Variants in PBX1 observed in about 807,000 individuals in gnomAD.
PBX1 encodes the protein pre-B-cell leukemia transcription factor 1.
Under a neutral mutation model 53.4 loss-of-function variants are expected in PBX1, and 6 were observed. That is an observed-to-expected ratio of 0.11 (90% CI 0.06 to 0.22). PBX1 has a LOEUF of 0.22. PBX1 is among the 10% of genes least tolerant of loss of function. PBX1 has a pLI of 1.00. For missense variants in PBX1, 251 were observed against 551.4 expected, an observed-to-expected ratio of 0.46 and a Z score of 5.46; for synonymous variants, 204 against 212.3, an observed-to-expected ratio of 0.96 and a Z score of 0.34.
chr1:164,766,734 A>ATTTTT (rs200315732), intron 2 of PBX1, among the ~76,000 whole-genome samples: 1 of 110,376 alleles, frequency 9.1e-6, no homozygotes, highest in African/African-American at 2.9e-5. Context: ...TTATTTATTT[A>ATTTTT]TTTATTTTTT....
chr1:164,653,593 T>A (rs1229975390), intron 2 of PBX1, among the ~76,000 whole-genome samples: 1 of 152,014 alleles, frequency 6.6e-6, no homozygotes, highest in Non-Finnish European at 1.5e-5. Context: ...GCCAACGTGG[T>A]GAAACCCCGT....
intron 2 of PBX1, among the ~76,000 whole-genome samples, chr1:164,606,748 T>A (rs1279256827): frequency 6.6e-6 from 1 of 152,244 alleles, no homozygotes; most frequent in African/African-American, 2.4e-5. Flanking sequence ...TTCATATTTA[T>A]TTAATGAGTG....
intron 2 of PBX1, among the ~76,000 whole-genome samples, chr1:164,779,583 G>T (rs1667835498): frequency 6.6e-6 from 1 of 152,182 alleles, no homozygotes; most frequent in South Asian, 2.1e-4. Flanking sequence ...CTTCTAAGAT[G>T]ACCATATGTC....
rs138047586 is a variant in PBX1 at position 164,834,542 on chromosome 1, A to C, written c.1201-12042A>C. Among the ~76,000 whole-genome samples, 376 of 152,080 alleles carry C rather than the reference A, an allele frequency of 2.5e-3. 1 individual carries two copies. The highest frequency in any genetic ancestry group is 8.6e-3 in the African/African-American group (357 of 41,494). ...TATTTTTTAGTAGAGACGGAGTTTC[A>C]CCATGTTGGACAGGCTGGTCTCAAA... On this transcript the variant is annotated intron_variant, in intron 8 of 8. Coordinates refer to ENST00000420696, the MANE Select transcript of PBX1 (RefSeq NM_002585.4).
chr1:164,799,962 C>G (rs1279995547), intron 4 of PBX1, 73 bp downstream of exon 4: 3 of 1,378,588 alleles, frequency 2.2e-6, no homozygotes, highest in Non-Finnish European at 3.0e-6. Flanking sequence ...CAGCCGCTGC[C>G]CCCTTCAGGC....
intron 5 of PBX1, 86 bp from the exon 6 acceptor site, chr1:164,811,904 C>A: frequency 8.9e-7 from 1 of 1,125,728 alleles, no homozygotes; most frequent in Non-Finnish European, 1.3e-6. Context: ...TACCTCTTCA[C>A]CTCTCCCATA....
At chr1:164,697,010 A>G (rs1557949022) in intron 2 of PBX1, among the ~76,000 whole-genome samples, 1 of 152,180 alleles carries the variant, frequency 6.6e-6, no homozygotes, top group Non-Finnish European at 1.5e-5. Context: ...TAATTTTCAT[A>G]TGTCCGTCTT....
chr1:164,673,048 T>C (rs1379579319), intron 2 of PBX1, among the ~76,000 whole-genome samples: 3 of 152,230 alleles, frequency 2.0e-5, no homozygotes, highest in Non-Finnish European at 2.9e-5. Context: ...TGGGTGTCCA[T>C]GTGTATGTAA....
chr1:164,837,609 T>G (rs767201646), intron 8 of PBX1, among the ~76,000 whole-genome samples: 7 of 152,216 alleles, frequency 4.6e-5, no homozygotes, highest in Non-Finnish European at 1.0e-4. Flanking sequence ...AGGCAGAGGT[T>G]ATTTATTCAG....
chr1:164,644,878 C>A (rs984928764), intron 2 of PBX1, among the ~76,000 whole-genome samples: 4 of 152,198 alleles, frequency 2.6e-5, no homozygotes, highest in African/African-American at 9.7e-5. Context: ...TCTGGCAGAT[C>A]TGTCTCTTTC....
intron 2 of PBX1, among the ~76,000 whole-genome samples, chr1:164,733,862 AAAC>A (rs2102145452): frequency 6.6e-6 from 1 of 152,360 alleles, no homozygotes; most frequent in African/African-American, 2.4e-5. Flanking sequence ...GACTAAAAGA[AAAC>A]AACTTTTATG....
At chr1:164,857,462 A>C (rs1672004014) in intron 2 of PBX1, among the ~76,000 whole-genome samples, 1 of 152,122 alleles carries the variant, frequency 6.6e-6, no homozygotes, top group Non-Finnish European at 1.5e-5. Flanking sequence ...TCTCATGTAG[A>C]TTTCATTAAA....
At chr1:164,617,763 T>C (rs1657377000) in intron 2 of PBX1, among the ~76,000 whole-genome samples, 2 of 152,328 alleles carry the variant, frequency 1.3e-5, no homozygotes, top group Non-Finnish European at 2.9e-5. Context: ...ATCCCTATAG[T>C]AGTCTTTCCA....
At chr1:164,587,596 T>C (rs1459316540) in intron 2 of PBX1, among the ~76,000 whole-genome samples, 1 of 152,174 alleles carries the variant, frequency 6.6e-6, no homozygotes, top group Non-Finnish European at 1.5e-5. Context: ...GTGTAGAGTT[T>C]ATTCTCCCAT....
chr1:164,760,269 G>A (rs772829950), intron 2 of PBX1, among the ~76,000 whole-genome samples: 13 of 151,960 alleles, frequency 8.6e-5, no homozygotes, highest in Non-Finnish European at 1.5e-4. Context: ...CCAAAATAGT[G>A]CCCCTTATTT....
intron 2 of PBX1, among the ~76,000 whole-genome samples, chr1:164,773,558 G>A (rs959852670): frequency 2.0e-5 from 3 of 147,668 alleles, no homozygotes; most frequent in Non-Finnish European, 4.6e-5. Flanking sequence ...CTTCTATGCT[G>A]TGATTAAATG....
At chr1:164,661,551 C>T (rs544649774) in intron 2 of PBX1, among the ~76,000 whole-genome samples, 9 of 151,942 alleles carry the variant, frequency 5.9e-5, no homozygotes, top group East Asian at 2.0e-4. Flanking sequence ...CTCAGCCTCC[C>T]GAGTAGCTGG....
chr1:164,636,405 G>A (rs1413143023), intron 2 of PBX1, among the ~76,000 whole-genome samples: 1 of 152,146 alleles, frequency 6.6e-6, no homozygotes. Flanking sequence ...TGTGGGAAGT[G>A]TATATTTTTA....
chr1:164,764,496 C>T (rs941990793), intron 2 of PBX1, among the ~76,000 whole-genome samples: 5 of 152,160 alleles, frequency 3.3e-5, no homozygotes, highest in African/African-American at 4.8e-5. Flanking sequence ...GGGATGACCA[C>T]ATTACTCATA....
Sources: gnomAD v4.1 joint callset for allele counts (sites outside exome capture counted in the v4.1 genomes callset) on GRCh38, gnomAD v4.1.1 for gene constraint, MANE v1.5 for transcripts, NCBI Gene and HGNC (gene_info 2026-07-23, HGNC 2026-07-21) for gene names.